CCDC88C: variants seen among roughly 807,000 people sequenced by gnomAD.
The protein encoded by CCDC88C is coiled-coil and HOOK domain protein 88C.
In CCDC88C, 131 loss-of-function variants were observed where a neutral mutation model predicts 198.8. The observed-to-expected ratio is 0.66, with a 90% CI of 0.57 to 0.76. CCDC88C has a LOEUF of 0.76. CCDC88C is among the 30% of genes least tolerant of loss of function. CCDC88C has a pLI of 0.00. For missense variants in CCDC88C, 2,553 were observed against 2,631.6 expected (o/e 0.97, Z 0.65); for synonymous variants, 1,166 against 1,114.7 (o/e 1.05, Z -0.92).
chr14:91,326,078 G>T, intron 10 of CCDC88C, 22 bp from the exon 11 acceptor site: 1 of 1,602,870 alleles, frequency 6.2e-7, no homozygotes, highest in South Asian at 1.1e-5. Flanking sequence ...AAACATACAT[G>T]AGAACCATCA....
chr14:91,313,536 G>A lies in CCDC88C; in HGVS notation c.2280C>T (p.Ser760=). 1.2e-6 allele frequency: 2 copies of A among 1,610,132 alleles called. No homozygotes were observed. The highest frequency in any genetic ancestry group is 1.7e-6 in the Non-Finnish European group (2 of 1,179,864). ...GGTTCTCAGCGCTCACGCTCTGGTAGCTGAGCTCCAGGCGCTCTGACTTCT... is the reference window on the plus strand; with the variant it reads ...GGTTCTCAGCGCTCACGCTCTGGTAACTGAGCTCCAGGCGCTCTGACTTCT... The part of the protein sequence containing the change: ...LGKKSERLEL[S]YQSVSAENLR... The change falls in exon 15 of 30, where the codon AGC becomes AGT. Residue 760 remains serine (S), a synonymous_variant. Coordinates refer to ENST00000389857, the MANE Select transcript of CCDC88C (RefSeq NM_001080414.4). The surrounding 1 kb of genome is among the most constrained non-coding windows in gnomAD (Gnocchi z 5.2).
rs150512553 is a variant in CCDC88C at position 91,278,005 on chromosome 14, G to T, written c.4975C>A (p.Arg1659=). The change falls in exon 29 of 30, where the codon CGG becomes AGG. Residue 1659 remains arginine, a synonymous_variant. Transcript: ENST00000389857. ...RGTAPPYVGV[R]PCSASPSSEM... is the part of the protein sequence containing the mutation. ...CTGCTGGGGGAGGCCGAGCAGGGCC[G>T]CACTCCGACGTAGGGAGGGGCTGTG... 52,712 of 1,582,112 alleles carry T rather than the reference G, an allele frequency of 0.033. 1,025 individuals are homozygous for T. The highest frequency in any genetic ancestry group is 0.049 in the Middle Eastern group (295 of 6,004).
At position 91,288,682 on chromosome 14, in the gene CCDC88C, C is replaced by T. The variant is rs1259776350; in HGVS notation, c.4441+423G>A. 6.3e-6 allele frequency: 1 copy of T among 157,512 alleles called. No homozygotes were observed. The highest frequency in any genetic ancestry group is 1.8e-4 in the East Asian group (1 of 5,514). The allele number at this position is 157,512 out of a possible 1,614,324, so 9.8% of individuals were successfully genotyped here. On this transcript the variant is annotated intron_variant, in intron 25 of 29. Transcript: ENST00000389857. This position sits in a 1 kb window ranked among gnomAD's most constrained non-coding sequence, Gnocchi z 4.2. Reference sequence around the variant, plus strand: ...GTTTGGGAGGCTGAGGCGGGTGGATCACTTGACGTTAGGAGTTCGAGACCA... The same window carrying T: ...GTTTGGGAGGCTGAGGCGGGTGGATTACTTGACGTTAGGAGTTCGAGACCA...
At chr14:91,414,060 G>A (rs183101622) in intron 2 of CCDC88C, among the ~76,000 whole-genome samples, 2 of 152,206 alleles carry the variant, frequency 1.3e-5, no homozygotes, top group African/African-American at 4.8e-5. Flanking sequence ...TTGGGTCCCA[G>A]GGTCCAATGT....
At chr14:91,286,126 G>A (rs1430285838) in intron 25 of CCDC88C, among the ~76,000 whole-genome samples, 1 of 152,116 alleles carries the variant, frequency 6.6e-6, no homozygotes. Flanking sequence ...CAATGGTCTG[G>A]ATGATTTTTC....
chr14:91,294,458 G>A (rs1890909594), intron 22 of CCDC88C, 140 bp from the exon 23 acceptor site: 4 of 917,350 alleles, frequency 4.4e-6, no homozygotes, highest in African/African-American at 3.3e-5. Flanking sequence ...ACTTGGAAAG[G>A]GCCAAACGGC....
Position 91,395,652 on chromosome 14 carries a change from C to T in CCDC88C, c.270+13007G>A, listed in dbSNP as rs74704023. On this transcript the variant is annotated intron_variant, in intron 3 of 29. Coordinates refer to ENST00000389857, the MANE Select transcript of CCDC88C (RefSeq NM_001080414.4). ...GGCAGTGGCTAACGTTATCCCCCAG[C>T]CGAGAAGGCAAACCTGCCTGCTCCC... Among the ~76,000 whole-genome samples, 1,504 of 152,230 alleles carry T rather than the reference C, an allele frequency of 9.9e-3. 30 individuals are homozygous for T. Among genetic ancestry groups the T allele is most frequent in the African/African-American group, 0.035 (1,447 of 41,502 alleles).
At chr14:91,344,248 G>A (rs371360793) in intron 4 of CCDC88C, among the ~76,000 whole-genome samples, 3 of 37,928 alleles carry the variant, frequency 7.9e-5, no homozygotes, top group African/African-American at 2.4e-4. Flanking sequence ...TTTTTAGCGC[G>A]TAAGCAAAGT....
chr14:91,294,183 T>C lies in CCDC88C; in HGVS notation c.4102A>G (p.Lys1368Glu). 6.2e-7 allele frequency: 1 copy of C among 1,614,012 alleles called. No homozygotes were observed. The highest frequency in any genetic ancestry group is 2.2e-5 in the East Asian group (1 of 44,888). Residue 1368 changes from lysine (K) to glutamate (E), a missense_variant, in exon 23 of 30, where the codon AAG becomes GAG. By Grantham distance (56) the Lys-to-Glu change is moderately conservative. Transcript: ENST00000389857. ...GGACTCCCTGCTTACATGTACTGCTTCTGCTCCTCATGGTACTGCTCCTTG... is the reference window on the plus strand; with the variant it reads ...GGACTCCCTGCTTACATGTACTGCTCCTGCTCCTCATGGTACTGCTCCTTG... ...ENKEQYHEEQ[K>E]QYIDKLNALR...
At chr14:91,361,152 A>T (rs940159499) in intron 3 of CCDC88C, among the ~76,000 whole-genome samples, 141 of 151,832 alleles carry the variant, frequency 9.3e-4, no homozygotes, top group African/African-American at 3.3e-3. Context: ...AAAAAATCCA[A>T]TTTTACGGAA....
chr14:91,367,167 C>T (rs1022019800), intron 3 of CCDC88C, among the ~76,000 whole-genome samples: 24 of 152,208 alleles, frequency 1.6e-4, no homozygotes, highest in African/African-American at 5.5e-4. Context: ...GAAAGCCAAG[C>T]GTTTAGGCCC....
At position 91,417,680 on chromosome 14, in the gene CCDC88C, G is replaced by T; in HGVS notation, c.11C>A (p.Thr4Lys). Residue 4 changes from threonine (T) to lysine (K), a missense_variant, in exon 1 of 30, where the codon ACA becomes AAA. Transcript: ENST00000389857. MDV[T>K]VSELLELFLQ... is the part of the protein sequence containing the mutation. ...GAAGAGCTCCAGGAGCTCCGAGACT[G>T]TCACGTCCATGCTGAGGCTGCGCCC... 1 of 1,576,246 alleles carries T rather than the reference G, an allele frequency of 6.3e-7. No individual in the cohort carries two copies. Among genetic ancestry groups the T allele is most frequent in the East Asian group, 2.4e-5 (1 of 41,264 alleles).
chr14:91,364,544 G>A (rs1204281984), intron 3 of CCDC88C, among the ~76,000 whole-genome samples: 1 of 152,110 alleles, frequency 6.6e-6, no homozygotes, highest in Non-Finnish European at 1.5e-5. Context: ...CTCACAAGGG[G>A]AGAGGGCCCA....
intron 3 of CCDC88C, among the ~76,000 whole-genome samples, chr14:91,397,667 G>A (rs912754128): frequency 3.3e-5 from 5 of 152,270 alleles, no homozygotes; most frequent in Non-Finnish European, 5.9e-5. Context: ...TCCACCCTCC[G>A]CCCAACCCCG....
intron 3 of CCDC88C, among the ~76,000 whole-genome samples, chr14:91,405,209 T>C (rs1211740341): frequency 6.6e-6 from 1 of 152,114 alleles, no homozygotes; most frequent in Non-Finnish European, 1.5e-5. Flanking sequence ...CCACGCTCTT[T>C]AGGAAAGGCC....
chr14:91,360,674 G>T (rs1004735162), intron 3 of CCDC88C, among the ~76,000 whole-genome samples: 9 of 152,144 alleles, frequency 5.9e-5, no homozygotes, highest in African/African-American at 2.2e-4. Context: ...CCTCACACCC[G>T]TGGGCTTGGA....
intron 16 of CCDC88C, among the ~76,000 whole-genome samples, chr14:91,308,792 G>C (rs1396230670): frequency 1.3e-5 from 2 of 152,200 alleles, no homozygotes; most frequent in African/African-American, 4.8e-5. Flanking sequence ...TCTCAGAAAG[G>C]TTAAGCAATT....
chr14:91,415,194 G>A (rs1303649236), intron 2 of CCDC88C, among the ~76,000 whole-genome samples: 12 of 152,124 alleles, frequency 7.9e-5, no homozygotes, highest in Admixed American at 7.9e-4. Context: ...AACAGAATGA[G>A]GGGAGAGTGG....
At chr14:91,417,533 A>C (rs2140029178) in intron 1 of CCDC88C, 98 bp downstream of exon 1, 21 of 1,106,352 alleles carry the variant, frequency 1.9e-5, no homozygotes, top group Non-Finnish European at 2.3e-5. Flanking sequence ...CCCCGGAGCC[A>C]CCCGGGGCCC....
Sources: allele counts gnomAD v4.1 joint callset (sites outside exome capture counted in the v4.1 genomes callset), GRCh38; gene constraint gnomAD v4.1.1; non-coding constraint Gnocchi (gnomAD v3.1); transcripts MANE v1.5; gene names NCBI Gene and HGNC (gene_info 2026-07-23, HGNC 2026-07-21).